ITPA: variants seen among roughly 807,000 people sequenced by gnomAD.
ITPA encodes the protein inosine triphosphatase, also known as inosine triphosphate pyrophosphatase.
In ITPA, 29 loss-of-function variants were observed where a neutral mutation model predicts 29.6. The ratio of observed to expected loss-of-function variants is 0.98; its 90% confidence interval spans 0.73 to 1.34. The LOEUF (loss-of-function observed/expected upper bound fraction) is 1.34, where lower values mean the gene tolerates loss of function less well. Ranked by LOEUF, ITPA falls within the 40% of genes most tolerant of loss-of-function variation. The pLI, the probability that ITPA is intolerant of heterozygous loss-of-function variation, is 0.00. For missense variants in ITPA, 241 were observed against 251.5 expected (o/e 0.96, Z 0.28); for synonymous variants, 103 against 99.3 (o/e 1.04, Z -0.22).
At chr20:3,219,452 T>A (rs376783062) in intron 6 of ITPA, among the ~76,000 whole-genome samples, 27 of 152,048 alleles carry the variant, frequency 1.8e-4, no homozygotes, top group African/African-American at 5.8e-4. Flanking sequence ...TTGCAAAAAA[T>A]TTTAAAATGA....
intron 7 of ITPA, among the ~76,000 whole-genome samples, chr20:3,222,611 TAC>T (rs1269376901): frequency 1.3e-5 from 2 of 152,222 alleles, no homozygotes; most frequent in African/African-American, 4.8e-5. Context: ...GCCCTCCAAG[TAC>T]CAGTTGTTCT....
At position 3,209,743 on chromosome 20, in the gene ITPA, G is replaced by GT; in HGVS notation, c.66+126_66+127insT. On this transcript the variant is annotated intron_variant, in intron 1 of 7. Transcript: ENST00000380113. This position sits in a 1 kb window ranked among gnomAD's most constrained non-coding sequence, Gnocchi z 4.6. ...AGAACAGAATTCAGCCCGGAAGAAT[G>GT]GGTCCTGACCCGGCTGTGTGGAAAA... The GT allele has an allele frequency of 1.3e-6, 1 of 780,418 alleles. No individual in the cohort carries two copies. 48.3% of individuals were successfully genotyped at this position (780,418 alleles called of 1,614,324 possible). A position where few individuals can be genotyped will look rare whatever the true frequency, so the allele number is the denominator to read the frequency against.
At chr20:3,225,558 A>G (rs1358007455), downstream of ITPA, among the ~76,000 whole-genome samples, 1 of 152,084 alleles carries the variant, frequency 6.6e-6, no homozygotes, top group African/African-American at 2.4e-5. Context: ...CACCCCGGGG[A>G]GGGCACACAA....
chr20:3,207,418 G>A (rs1347201049), upstream of ITPA, among the ~76,000 whole-genome samples: 1 of 152,166 alleles, frequency 6.6e-6, no homozygotes, highest in Non-Finnish European at 1.5e-5. Context: ...GTGAGGCTGG[G>A]CACCGTGGCT....
intron 7 of ITPA, 47 bp from the exon 8 acceptor site, chr20:3,223,319 T>C (rs1159440589): frequency 1.4e-6 from 2 of 1,433,774 alleles, no homozygotes; most frequent in East Asian, 2.3e-5. Flanking sequence ...GGGGGTGCAC[T>C]TCCTTCCTGA....
downstream of ITPA, among the ~76,000 whole-genome samples, chr20:3,226,357 G>A (rs957957492): frequency 5.3e-5 from 8 of 152,138 alleles, no homozygotes; most frequent in Admixed American, 1.3e-4. This position sits in a 1 kb window ranked among gnomAD's most constrained non-coding sequence, Gnocchi z 4.4. Flanking sequence ...CAGTGAGAGC[G>A]GAGGAAAACG....
chr20:3,224,315 C>T (rs755527730), downstream of ITPA, among the ~76,000 whole-genome samples: 5 of 152,236 alleles, frequency 3.3e-5, no homozygotes, highest in East Asian at 1.9e-4. Flanking sequence ...TTATGCCACA[C>T]GCCCTTACTC....
intron 6 of ITPA, among the ~76,000 whole-genome samples, chr20:3,221,570 G>A (rs1045053034): frequency 1.7e-5 from 2 of 114,352 alleles, no homozygotes; most frequent in African/African-American, 3.5e-5. Context: ...AATTTGTCCC[G>A]GGTGTGGCTG....
chr20:3,213,331 AG>A lies in ITPA; in HGVS notation c.142del (p.Glu48SerfsTer41). On this transcript the variant is annotated frameshift_variant, in exon 3 of 8. Transcript: ENST00000380113. LOFTEE classifies it high-confidence loss of function. ...TTTCCCTGATAAGTGCCGGAGTACC[AG>A]GGGGAGCCGGATGAGATTTCCATAC... The part of the protein sequence containing the change: ...VAQKIDLPEY[Q>X]GEPDEISIQK... 8.1e-6 allele frequency: 13 copies of A among 1,614,046 alleles called. No individual in the cohort carries two copies. The highest frequency in any genetic ancestry group is 1.1e-5 in the Non-Finnish European group (13 of 1,179,978).
At chr20:3,218,656 T>G in intron 6 of ITPA, 24 bp downstream of exon 6, 3 of 1,575,638 alleles carry the variant, frequency 1.9e-6, no homozygotes, top group Non-Finnish European at 2.6e-6. Context: ...TTGATGCAGT[T>G]CCCGCCGCGC....
chr20:3,213,272 C>CT, intron 2 of ITPA, 46 bp downstream of exon 2: 2 of 1,614,198 alleles, frequency 1.2e-6, no homozygotes, highest in Non-Finnish European at 1.7e-6. Context: ...TTGGATTTCT[C>CT]TGTCTTCCTG....
At chr20:3,218,727 G>GGGCGCCTTGGGGCCAGAGATATGGGAA (rs1568516392) in intron 6 of ITPA, 95 bp downstream of exon 6, 1 of 932,366 alleles carries the variant, frequency 1.1e-6, no homozygotes, top group Non-Finnish European at 1.7e-6. Flanking sequence ...GGTGGTGGGA[G>GGGCGCCTTGGGGCCAGAGATATGGGAA]GGGCGCCTTG....
downstream of ITPA, among the ~76,000 whole-genome samples, chr20:3,224,419 T>C (rs992822587): frequency 2.0e-5 from 3 of 152,126 alleles, no homozygotes; most frequent in Non-Finnish European, 2.9e-5. Flanking sequence ...GGGGGCGTGA[T>C]GGGCTCAGGC....
In ITPA at chr20:3,218,564, C is replaced by T. The variant is rs538462304; in HGVS notation, c.343C>T (p.Leu115Phe). 4 of 1,613,994 alleles carry T rather than the reference C, an allele frequency of 2.5e-6. No individual in the cohort carries two copies. The African/African-American group carries it at 4.0e-5, about 16-fold the overall frequency. Reference protein sequence around the residue: ...AGFEDKSAYALCTFALSTGDP... With the variant: ...AGFEDKSAYAFCTFALSTGDP... ...GTTCGAGGACAAGTCAGCCTATGCG[C>T]TCTGCACGTTTGCACTCAGCACCGG... Residue 115 changes from leucine (L) to phenylalanine (F), a missense_variant, in exon 6 of 8, where the codon CTC (leucine) becomes TTC (phenylalanine). Coordinates refer to ENST00000380113, the MANE Select transcript of ITPA (RefSeq NM_033453.4).
chr20:3,211,454 T>A (rs1401737933), intron 1 of ITPA, among the ~76,000 whole-genome samples: 1 of 151,836 alleles, frequency 6.6e-6, no homozygotes, highest in African/African-American at 2.4e-5. Flanking sequence ...ATTACAGGCA[T>A]GAACCACCTA....
At position 3,223,538 on chromosome 20, in the gene ITPA, C is replaced by T. The variant is rs1191884738; in HGVS notation, c.*76C>T. ...CCCAAAACCTCCCGCATCGGGCAGG[C>T]ACCCCCTGAAGTACTTCCTTCAGGG... On this transcript the variant is annotated 3_prime_UTR_variant, in exon 8 of 8. Transcript: ENST00000380113. The T allele has an allele frequency of 1.8e-6, 2 of 1,138,910 alleles. No homozygotes were observed. The highest frequency in any genetic ancestry group is 1.9e-5 in the Admixed American group (1 of 51,522). The allele number at this position is 1,138,910 out of a possible 1,614,324, so 70.6% of individuals were successfully genotyped here. A position where few individuals can be genotyped will look rare whatever the true frequency, so the allele number is the denominator to read the frequency against.
At chr20:3,217,420 C>CA (rs776137525) in intron 5 of ITPA, among the ~76,000 whole-genome samples, 63 of 152,220 alleles carry the variant, frequency 4.1e-4, no homozygotes, top group Non-Finnish European at 2.6e-4. Context: ...AGGCAAATCA[C>CA]AGACATCATA....
At chr20:3,218,065 C>G (rs1388726776) in intron 5 of ITPA, among the ~76,000 whole-genome samples, 1 of 152,056 alleles carries the variant, frequency 6.6e-6, no homozygotes, top group African/African-American at 2.4e-5. Context: ...CTACAGGCAT[C>G]AGCCACCACG....
At chr20:3,220,056 A>C (rs1600529065) in intron 6 of ITPA, among the ~76,000 whole-genome samples, 1 of 148,728 alleles carries the variant, frequency 6.7e-6, no homozygotes, top group African/African-American at 2.5e-5. Context: ...AAAAAAAAAA[A>C]AAAAAACAAA....
Sources: gnomAD v4.1 joint callset for allele counts (sites outside exome capture counted in the v4.1 genomes callset) on GRCh38, gnomAD v4.1.1 for gene constraint, Gnocchi (gnomAD v3.1) non-coding constraint, MANE v1.5 for transcripts, NCBI Gene and HGNC (gene_info 2026-07-23, HGNC 2026-07-21) for gene names.